The following PRDM1 variants were observed in gnomAD, a reference collection of about 807,000 sequenced individuals.
The protein encoded by PRDM1 is PR/SET domain 1, also known as PR domain zinc finger protein 1.
PRDM1 carries 13 observed loss-of-function variants against 62.8 expected under a neutral mutation model. The observed-to-expected ratio is 0.21, with a 90% CI of 0.13 to 0.33. The LOEUF is 0.33. Among genes scored for constraint, PRDM1 ranks in the 10% least tolerant of loss-of-function variants. The probability of loss-of-function intolerance (pLI) is 1.00; values close to 1 mark genes in which losing one functional copy is unlikely to be tolerated. For missense variants in PRDM1, 895 were observed against 1,058.8 expected (o/e 0.85, Z 2.15); for synonymous variants, 396 against 417.6 (o/e 0.95, Z 0.63).
intron 1 of PRDM1, among the ~76,000 whole-genome samples, chr6:106,035,939 A>AT (rs1772919925): frequency 6.6e-6 from 1 of 151,938 alleles, no homozygotes; most frequent in Non-Finnish European, 1.5e-5. Flanking sequence ...TTTAAATAAA[A>AT]TTTTTTTAAA....
Position 106,109,675 on chromosome 6 carries a change from C to T in PRDM1, c.*2189C>T, listed in dbSNP as rs1034703620. 4.3e-6 allele frequency: 1 copy of T among 233,150 alleles called. No individual in the cohort carries two copies. The highest frequency in any genetic ancestry group is 2.2e-5 in the African/African-American group (1 of 45,290). 14.4% of individuals were successfully genotyped at this position (233,150 alleles called of 1,614,324 possible). A position where few individuals can be genotyped will look rare whatever the true frequency, so the allele number is the denominator to read the frequency against. On this transcript the variant is annotated 3_prime_UTR_variant, in exon 7 of 7. Coordinates refer to ENST00000369096, the MANE Select transcript of PRDM1 (RefSeq NM_001198.4). ...GTTCTTTTTCTCCTTTTGTGCTTTC[C>T]CATAGTGAGAATTTTTATAAAGACT...
Position 106,099,422 on chromosome 6 carries a change from C to T in PRDM1, c.534C>T (p.Asn178=), listed in dbSNP as rs765558999. 4.3e-6 allele frequency: 7 copies of T among 1,614,186 alleles called. No individual in the cohort carries two copies. The highest frequency in any genetic ancestry group is 1.6e-4 in the Middle Eastern group (1 of 6,062). ...PREQNLAACQ[N]GMNIYFYTIK... ...AGCAAAACCTGGCTGCGTGTCAGAA[C>T]GGGATGAACATCTACTTCTACACCA... The change falls in exon 4 of 7, where the codon AAC becomes AAT. Residue 178 remains asparagine (N), a synonymous_variant. Coordinates refer to ENST00000369096, the MANE Select transcript of PRDM1 (RefSeq NM_001198.4).
At chr6:106,048,466 G>A (rs1179119220), upstream of PRDM1, among the ~76,000 whole-genome samples, 2 of 152,114 alleles carry the variant, frequency 1.3e-5, no homozygotes, top group African/African-American at 2.4e-5. Context: ...AACTGACCAC[G>A]CTGCATTATT....
chr6:106,101,309 G>T (rs1028014999), intron 4 of PRDM1, among the ~76,000 whole-genome samples: 8 of 152,030 alleles, frequency 5.3e-5, no homozygotes, highest in African/African-American at 1.9e-4. Flanking sequence ...TTTTTTGCAT[G>T]CTTCCCGCAC....
At chr6:106,068,160 C>T (rs1395214268) in intron 1 of PRDM1, among the ~76,000 whole-genome samples, 1 of 149,836 alleles carries the variant, frequency 6.7e-6, no homozygotes, top group East Asian at 2.0e-4. Context: ...GGTGTGATCT[C>T]GGCTCACTGC....
intron 1 of PRDM1, among the ~76,000 whole-genome samples, chr6:106,062,475 C>A (rs1370722174): frequency 6.6e-6 from 1 of 152,182 alleles, no homozygotes; most frequent in Non-Finnish European, 1.5e-5. Flanking sequence ...GATGCCTCTG[C>A]ACAGTTGTTG....
At chr6:106,067,489 C>T (rs965999629) in intron 1 of PRDM1, among the ~76,000 whole-genome samples, 2 of 151,994 alleles carry the variant, frequency 1.3e-5, no homozygotes, top group Admixed American at 6.6e-5. Context: ...GTGGAAGCAA[C>T]CCATGTGTCC....
At chr6:106,088,549 TGTAA>T (rs1257378434) in intron 2 of PRDM1, 100 bp downstream of exon 2, 60 of 1,319,424 alleles carry the variant, frequency 4.5e-5, no homozygotes, top group Non-Finnish European at 6.2e-5. Flanking sequence ...TCTGAGAATC[TGTAA>T]GTATCAGTAA....
At chr6:106,100,641 TACC>T (rs1774240269) in intron 4 of PRDM1, 2 of 152,228 alleles carry the variant, frequency 1.3e-5, no homozygotes, top group African/African-American at 2.4e-5. Flanking sequence ...GCCAAGTACT[TACC>T]CTAGTCATAT....
intron 2 of PRDM1, among the ~76,000 whole-genome samples, chr6:106,094,395 G>T (rs896379137): frequency 6.6e-6 from 1 of 152,154 alleles, no homozygotes; most frequent in African/African-American, 2.4e-5. Context: ...ACTCACAGAG[G>T]AGTTCTATTG....
chr6:106,092,344 G>A (rs1250490665), intron 2 of PRDM1, among the ~76,000 whole-genome samples: 1 of 152,152 alleles, frequency 6.6e-6, no homozygotes, highest in Non-Finnish European at 1.5e-5. Context: ...AAGTGGTGGA[G>A]GGGTCTGCAC....
intron 1 of PRDM1, among the ~76,000 whole-genome samples, chr6:106,051,888 A>C (rs531222697): frequency 1.2e-4 from 18 of 152,352 alleles, no homozygotes; most frequent in Non-Finnish European, 2.4e-4. Context: ...ATCAGAATTT[A>C]CACGAAAAAA....
chr6:106,018,760 C>A (rs1772655904), intron 1 of PRDM1, among the ~76,000 whole-genome samples: 1 of 152,042 alleles, frequency 6.6e-6, no homozygotes, highest in Non-Finnish European at 1.5e-5. Flanking sequence ...ATCAACATGA[C>A]TTATCACTGT....
intron 1 of PRDM1, among the ~76,000 whole-genome samples, chr6:106,018,320 C>T (rs981581578): frequency 1.3e-5 from 2 of 152,180 alleles, no homozygotes; most frequent in Admixed American, 6.5e-5. Flanking sequence ...CTTAGATTTA[C>T]AGAAAAATTG....
At chr6:106,067,477 T>C (rs1236787175) in intron 1 of PRDM1, among the ~76,000 whole-genome samples, 1 of 151,982 alleles carries the variant, frequency 6.6e-6, no homozygotes, top group East Asian at 1.9e-4. Flanking sequence ...TTATTCACAA[T>C]AGTGGAAGCA....
At chr6:106,049,472 T>C (rs1258405460) in intron 1 of PRDM1, among the ~76,000 whole-genome samples, 5 of 152,214 alleles carry the variant, frequency 3.3e-5, no homozygotes, top group Non-Finnish European at 7.4e-5. Context: ...TTTTGGCCAG[T>C]GTGGATGGGA....
At chr6:106,052,212 A>G (rs1773188027) in intron 1 of PRDM1, among the ~76,000 whole-genome samples, 2 of 11,878 alleles carry the variant, frequency 1.7e-4, no homozygotes, top group Admixed American at 1.5e-3. Context: ...AGAAATATTC[A>G]AAGACATATT....
chr6:106,098,867 G>C, intron 3 of PRDM1: 1 of 1,516,692 alleles, frequency 6.6e-7, no homozygotes, highest in Non-Finnish European at 8.9e-7. Context: ...GACTCAGTTT[G>C]ACGTCGTCAG....
intron 1 of PRDM1, among the ~76,000 whole-genome samples, chr6:106,068,359 T>C (rs1773464970): frequency 6.6e-6 from 1 of 152,182 alleles, no homozygotes; most frequent in Middle Eastern, 3.2e-3. Flanking sequence ...CCCAAAGTGC[T>C]GGGATTACAG....
Sources: gnomAD v4.1 joint callset for allele counts (sites outside exome capture counted in the v4.1 genomes callset) on GRCh38, gnomAD v4.1.1 for gene constraint, MANE v1.5 for transcripts, NCBI Gene and HGNC (gene_info 2026-07-23, HGNC 2026-07-21) for gene names.